Variants in PPP1R13B observed in about 807,000 individuals in gnomAD.
The protein encoded by PPP1R13B is protein phosphatase 1 regulatory subunit 13B, also known as apoptosis-stimulating of p53 protein 1.
PPP1R13B carries 44 observed loss-of-function variants against 119.8 expected under a neutral mutation model. That is an observed-to-expected ratio of 0.37 (90% confidence interval 0.29 to 0.47). PPP1R13B has a LOEUF of 0.47. Ranked by LOEUF, PPP1R13B falls within the 20% of genes least tolerant of loss-of-function variation. The pLI is 0.99. For missense variants in PPP1R13B, 1,227 were observed against 1,413.5 expected, an observed-to-expected ratio of 0.87 and a Z score of 2.12; for synonymous variants, 542 against 561.5, an observed-to-expected ratio of 0.97 and a Z score of 0.49.
chr14:103,809,506 C>G (rs997190848), intron 1 of PPP1R13B, among the ~76,000 whole-genome samples: 1 of 152,078 alleles, frequency 6.6e-6, no homozygotes, highest in Non-Finnish European at 1.5e-5. Flanking sequence ...CACATTTATT[C>G]TATCCACTAA....
chr14:103,804,310 T>C (rs1430825547), intron 1 of PPP1R13B, among the ~76,000 whole-genome samples: 2 of 152,212 alleles, frequency 1.3e-5, no homozygotes, highest in African/African-American at 4.8e-5. Flanking sequence ...AAATAATCAC[T>C]AATTTAAGTA....
At position 103,734,444 on chromosome 14, in the gene PPP1R13B, G is replaced by A. The variant is rs75158197; in HGVS notation, c.*710C>T. On this transcript the variant is annotated 3_prime_UTR_variant, in exon 17 of 17. Coordinates refer to ENST00000202556, the MANE Select transcript of PPP1R13B (RefSeq NM_015316.3). Reference sequence around the variant, plus strand: ...GAGCAGCATGACAGGCTGTGAGATCGGAGGAGAAGAGTATATGCTGAGGCT... The same window carrying A: ...GAGCAGCATGACAGGCTGTGAGATCAGAGGAGAAGAGTATATGCTGAGGCT... 160 of 445,060 alleles carry A rather than the reference G, an allele frequency of 3.6e-4. No homozygotes were observed. The highest frequency in any genetic ancestry group is 3.0e-3 in the African/African-American group (148 of 50,008). The allele number at this position is 445,060 out of a possible 1,614,324, so 27.6% of individuals were successfully genotyped here.
rs768778212 is a variant in PPP1R13B at position 103,738,739 on chromosome 14, T to C, written c.2804A>G (p.His935Arg). ...LHNAVCAGHHHIVKFLLDFGV... is the reference protein window; with the variant it reads ...LHNAVCAGHHRIVKFLLDFGV... ...AAAATCCAGCAGGAACTTCACGATG[T>C]GATGGTGGCCGGCGCAGACGGCGTT... Residue 935 changes from histidine (H) to arginine (R), a missense_variant, in exon 14 of 17, where the codon CAC becomes CGC. Physicochemically the swap from His to Arg is conservative, Grantham distance 29 (BLOSUM62 0). Transcript: ENST00000202556. The surrounding 1 kb of genome is among the most constrained non-coding windows in gnomAD (Gnocchi z 5.6). 1.4e-5 allele frequency: 22 copies of C among 1,614,104 alleles called. No individual in the cohort carries two copies. Among genetic ancestry groups the C allele is most frequent in the Non-Finnish European group, 1.7e-5 (20 of 1,180,040 alleles).
chr14:103,844,145 T>C (rs2086972190), intron 1 of PPP1R13B, among the ~76,000 whole-genome samples: 1 of 151,894 alleles, frequency 6.6e-6, no homozygotes, highest in Admixed American at 6.6e-5. Context: ...CGTGTGTCTG[T>C]GGTCCCAGCT....
At chr14:103,825,868 A>C (rs180706995) in intron 1 of PPP1R13B, among the ~76,000 whole-genome samples, 45 of 147,528 alleles carry the variant, frequency 3.1e-4, no homozygotes, top group African/African-American at 1.1e-3. Flanking sequence ...TTTTTGAGAG[A>C]GAGTCTCGCT....
chr14:103,766,669 G>A (rs979422378), intron 4 of PPP1R13B, among the ~76,000 whole-genome samples: 1 of 152,044 alleles, frequency 6.6e-6, no homozygotes, highest in African/African-American at 2.4e-5. Context: ...GTGCAGTGGC[G>A]CTATCTCAGC....
In PPP1R13B at chr14:103,742,480, G is replaced by A. The variant is rs2084283822; in HGVS notation, c.1320+174C>T. On this transcript the variant is annotated intron_variant, in intron 10 of 16. Transcript: ENST00000202556. The surrounding 1 kb of genome is among the most constrained non-coding windows in gnomAD (Gnocchi z 4.9). ...TTCTGACCGAAAGGTGTGTGTACTC[G>A]TGGGCTGCTCAGGCTCTTAGGGCCC... Among the ~76,000 whole-genome samples the A allele has an allele frequency of 6.6e-6, 1 of 152,196 alleles. No homozygotes were observed. The highest frequency in any genetic ancestry group is 2.4e-5 in the African/African-American group (1 of 41,438).
At chr14:103,821,178 G>A (rs541711616) in intron 1 of PPP1R13B, among the ~76,000 whole-genome samples, 1 of 152,236 alleles carries the variant, frequency 6.6e-6, no homozygotes, top group Non-Finnish European at 1.5e-5. Context: ...TAAAATCCAG[G>A]CTGATTCTCA....
chr14:103,742,290 C>T lies in PPP1R13B; in HGVS notation c.1322G>A (p.Gly441Asp). 1 of 1,548,626 alleles carries T rather than the reference C, an allele frequency of 6.5e-7. No homozygotes were observed. Among genetic ancestry groups the T allele is most frequent in the Non-Finnish European group, 8.7e-7 (1 of 1,154,684 alleles). Residue 441 changes from glycine to aspartate, a missense_variant and splice_region_variant, in exon 11 of 17, where the codon GGC (glycine) becomes GAC (aspartate). By Grantham distance (94) the Gly-to-Asp change is moderately conservative. Coordinates refer to ENST00000202556, the MANE Select transcript of PPP1R13B (RefSeq NM_015316.3). The surrounding 1 kb of genome is among the most constrained non-coding windows in gnomAD (Gnocchi z 4.9). ...AGGTGGCACTTTACCAATCTCGATG[C>T]CCTAAGTTTAGGTGTTAAGAAGAAA... ...FSALGPTEKP[G>D]IEIGKVPPPI...
chr14:103,847,603 A>T, upstream of PPP1R13B: 1 of 985,434 alleles, frequency 1.0e-6, no homozygotes, highest in African/African-American at 1.8e-5. Flanking sequence ...CTCGCTCTTC[A>T]GCCCCCGCAG....
At chr14:103,756,964 A>G (rs2084692424) in intron 5 of PPP1R13B, among the ~76,000 whole-genome samples, 1 of 151,530 alleles carries the variant, frequency 6.6e-6, no homozygotes, top group Admixed American at 6.6e-5. Context: ...GAGTTTCACC[A>G]TGTTAGCCAG....
intron 1 of PPP1R13B, among the ~76,000 whole-genome samples, chr14:103,839,901 T>C (rs2086864331): frequency 6.6e-6 from 1 of 152,224 alleles, no homozygotes; most frequent in South Asian, 2.1e-4. Flanking sequence ...CAGTTAACAT[T>C]TTCTCTAAAC....
At position 103,778,399 on chromosome 14, in the gene PPP1R13B, C is replaced by T. The variant is rs372367881; in HGVS notation, c.354+346G>A. On this transcript the variant is annotated intron_variant, in intron 4 of 16. Coordinates refer to ENST00000202556, the MANE Select transcript of PPP1R13B (RefSeq NM_015316.3). ...GCCTCAGCCTCCCGAGTAGCTGGGA[C>T]TACAGGCGCATGCCACCATGCCTGG... is the stretch of plus-strand genomic sequence containing the variant. 6.6e-5 allele frequency among the ~76,000 whole-genome samples: 10 copies of T among 151,236 alleles called. No homozygotes were observed. In the East Asian group the frequency reaches 1.9e-3, roughly 29 times the overall value.
At chr14:103,812,270 C>A (rs2086177703) in intron 1 of PPP1R13B, among the ~76,000 whole-genome samples, 2 of 150,476 alleles carry the variant, frequency 1.3e-5, no homozygotes, top group South Asian at 2.1e-4. Context: ...ACTACAGGTG[C>A]CTGCCCCCAC....
chr14:103,826,753 A>G (rs2086553003), intron 1 of PPP1R13B, among the ~76,000 whole-genome samples: 1 of 151,556 alleles, frequency 6.6e-6, no homozygotes, highest in Non-Finnish European at 1.5e-5. Flanking sequence ...TCATGCCTGT[A>G]ATCCCAGCAC....
chr14:103,843,688 C>T (rs1187417), intron 1 of PPP1R13B, among the ~76,000 whole-genome samples: 44,286 of 152,126 alleles, frequency 0.29, 6,940 homozygotes, highest in Non-Finnish European at 0.34. Flanking sequence ...AGCGCAGTGG[C>T]ATACGCCTGT....
chr14:103,746,291 TGCCCCACCCCCCGCCCCTCCACCGCAG>T, intron 9 of PPP1R13B, 55 bp downstream of exon 9: 2 of 272,090 alleles, frequency 7.4e-6, no homozygotes, highest in Non-Finnish European at 1.5e-5. Context: ...CTCAGGAGCC[TGCCCCACCCCCCGCCCCTCCACCGCAG>T]GCCCCATTCC....
At chr14:103,779,355 T>C in intron 3 of PPP1R13B, among the ~76,000 whole-genome samples, 1 of 152,150 alleles carries the variant, frequency 6.6e-6, no homozygotes, top group Non-Finnish European at 1.5e-5. Flanking sequence ...AATGAAATCT[T>C]TTCTTTTTAC....
intron 16 of PPP1R13B, among the ~76,000 whole-genome samples, 197 bp downstream of exon 16, chr14:103,735,806 C>CCCAT (rs1203884009): frequency 1.3e-5 from 2 of 152,196 alleles, no homozygotes; most frequent in African/African-American, 2.4e-5. Context: ...ATGGCATAAG[C>CCCAT]ATGGCTGGGG....
Sources: allele counts gnomAD v4.1 joint callset (sites outside exome capture counted in the v4.1 genomes callset), GRCh38; gene constraint gnomAD v4.1.1; non-coding constraint Gnocchi (gnomAD v3.1); transcripts MANE v1.5; gene names NCBI Gene and HGNC (gene_info 2026-07-23, HGNC 2026-07-21).